MYO3B: variants seen among roughly 807,000 people sequenced by gnomAD.
MYO3B encodes myosin IIIB.
In MYO3B, 156 loss-of-function variants were observed where a neutral mutation model predicts 174.6. That is an observed-to-expected ratio of 0.89 (90% CI 0.78 to 1.02). The LOEUF is 1.02. Ranked by LOEUF, MYO3B falls within the 50% of genes least tolerant of loss-of-function variation. The probability of loss-of-function intolerance (pLI) is 0.00; values close to 1 mark genes in which losing one functional copy is unlikely to be tolerated. For synonymous variants in MYO3B, 563 were observed against 569.1 expected (o/e 0.99, Z 0.15); for missense variants, 1,632 against 1,639.4 (o/e 1.00, Z 0.08).
At chr2:170,583,244 T>C (rs1316877774) in intron 32 of MYO3B, among the ~76,000 whole-genome samples, 2 of 152,088 alleles carry the variant, frequency 1.3e-5, no homozygotes, top group South Asian at 2.1e-4. Flanking sequence ...CTACCTAGGG[T>C]TGATCACAGA....
intron 22 of MYO3B, among the ~76,000 whole-genome samples, chr2:170,413,762 G>A (rs1347035369): frequency 1.3e-5 from 2 of 151,262 alleles, no homozygotes; most frequent in South Asian, 2.1e-4. Context: ...TCCTTAGGCC[G>A]GGTGCGGTGG....
chr2:170,315,430 T>A (rs906673413), intron 7 of MYO3B, among the ~76,000 whole-genome samples: 2 of 152,030 alleles, frequency 1.3e-5, no homozygotes, highest in Admixed American at 6.6e-5. Flanking sequence ...CTCAGCCTCC[T>A]GAGTAGCTGG....
rs895713088 is a variant in MYO3B, at chr2:170,569,757, G to C, written c.3733+25769G>C. On this transcript the variant is annotated intron_variant, in intron 32 of 34. Transcript: ENST00000408978. ...CATGCCTGTAATCCCAGCTACTCAG[G>C]AGGCTGAGACAGGAGAATCACTTGA... is the stretch of plus-strand genomic sequence containing the variant. 3.3e-5 allele frequency among the ~76,000 whole-genome samples: 5 copies of C among 151,542 alleles called. No individual in the cohort carries two copies. The East Asian group carries it at 7.8e-4, about 24-fold the overall frequency.
At chr2:170,219,241 G>A (rs1229621088) in intron 6 of MYO3B, among the ~76,000 whole-genome samples, 4 of 152,210 alleles carry the variant, frequency 2.6e-5, no homozygotes, top group Non-Finnish European at 5.9e-5. Context: ...TATCACCACT[G>A]CATTGTAGTT....
At chr2:170,488,962 C>G (rs1686254276) in intron 25 of MYO3B, among the ~76,000 whole-genome samples, 1 of 152,326 alleles carries the variant, frequency 6.6e-6, no homozygotes, top group East Asian at 1.9e-4. Flanking sequence ...GAAATCAACA[C>G]TTTAAGTCAA....
chr2:170,390,843 A>C (rs2094407067), intron 14 of MYO3B, among the ~76,000 whole-genome samples: 1 of 152,108 alleles, frequency 6.6e-6, no homozygotes, highest in Non-Finnish European at 1.5e-5. Context: ...AAAAATTATC[A>C]TGCTCTTGGA....
chr2:170,463,844 CA>C (rs1246092672), intron 24 of MYO3B, among the ~76,000 whole-genome samples: 1 of 152,164 alleles, frequency 6.6e-6, no homozygotes, highest in African/African-American at 2.4e-5. Context: ...TATTATTTCC[CA>C]TTTCTGCCAT....
intron 9 of MYO3B, among the ~76,000 whole-genome samples, chr2:170,372,772 G>T (rs1441657466): frequency 1.3e-5 from 2 of 152,204 alleles, no homozygotes; most frequent in African/African-American, 4.8e-5. Flanking sequence ...CCCTGGAGCT[G>T]CTGGGTAGAT....
chr2:170,540,604 G>C (rs1252019349), intron 30 of MYO3B, among the ~76,000 whole-genome samples: 3 of 151,068 alleles, frequency 2.0e-5, no homozygotes, highest in African/African-American at 7.3e-5. Flanking sequence ...TCTTATTTTG[G>C]TAGTGACGGA....
intron 25 of MYO3B, among the ~76,000 whole-genome samples, chr2:170,479,642 C>CAT (rs968628836): frequency 1.4e-4 from 20 of 144,712 alleles, no homozygotes; most frequent in Admixed American, 2.1e-4. Flanking sequence ...TTTATATATA[C>CAT]ATATATATAA....
chr2:170,404,448 G>T (rs1190258841), intron 20 of MYO3B, 48 bp downstream of exon 20: 5 of 1,535,426 alleles, frequency 3.3e-6, no homozygotes, highest in Admixed American at 2.1e-5. Context: ...ACAAAACTTG[G>T]CTTGTGTCAT....
chr2:170,440,155 C>A (rs1334367566), intron 22 of MYO3B, among the ~76,000 whole-genome samples: 1 of 152,148 alleles, frequency 6.6e-6, no homozygotes, highest in Non-Finnish European at 1.5e-5. Flanking sequence ...TATCAAAGAT[C>A]ATTTGATCAT....
At chr2:170,644,940 T>G (rs774587825) in intron 32 of MYO3B, among the ~76,000 whole-genome samples, 4 of 152,082 alleles carry the variant, frequency 2.6e-5, no homozygotes, top group Non-Finnish European at 5.9e-5. Context: ...AATCAGAAGG[T>G]GCAGGGCAGG....
At chr2:170,568,951 C>T (rs1692245591) in intron 32 of MYO3B, among the ~76,000 whole-genome samples, 1 of 152,080 alleles carries the variant, frequency 6.6e-6, no homozygotes, top group Admixed American at 6.5e-5. Flanking sequence ...ACATGTGTGT[C>T]CTATTAGATA....
intron 22 of MYO3B, among the ~76,000 whole-genome samples, chr2:170,426,337 G>A (rs946157978): frequency 2.0e-5 from 3 of 147,948 alleles, no homozygotes; most frequent in Admixed American, 6.7e-5. Context: ...AGACCTCATC[G>A]CTTTTTTTTT....
chr2:170,233,074 C>T (rs778261336), intron 6 of MYO3B, among the ~76,000 whole-genome samples: 1 of 152,198 alleles, frequency 6.6e-6, no homozygotes, highest in African/African-American at 2.4e-5. Context: ...CCTTTTGTGT[C>T]CCATCCAAGT....
chr2:170,325,702 T>G (rs1445978771), intron 7 of MYO3B, among the ~76,000 whole-genome samples: 3 of 152,158 alleles, frequency 2.0e-5, no homozygotes, highest in African/African-American at 7.2e-5. Context: ...GCCTGCCTGC[T>G]TGATTGCTCT....
intron 7 of MYO3B, among the ~76,000 whole-genome samples, chr2:170,294,363 A>ATGTT: frequency 6.6e-6 from 1 of 151,036 alleles, no homozygotes; most frequent in Non-Finnish European, 1.5e-5. Flanking sequence ...TAATTTGGAT[A>ATGTT]TATTTATTTT....
chr2:170,653,002 G>A lies in MYO3B; in HGVS notation c.3907G>A (p.Gly1303Arg), dbSNP rs1043641958. ...TTGCAGCCAAATCAAAGTACTTGAT[G>A]GGGAAGATGAATATTACAAATCTCT... ...RKLGQIKVLD[G>R]EDEYYKSLSP... Residue 1303 changes from glycine to arginine, a missense_variant, in exon 35 of 35, where the codon GGG becomes AGG. By Grantham distance (125) the Gly-to-Arg change is moderately radical (BLOSUM62 -2). Coordinates refer to ENST00000408978, the MANE Select transcript of MYO3B (RefSeq NM_138995.5). 1.2e-6 allele frequency: 2 copies of A among 1,613,938 alleles called. No homozygotes were observed. Among genetic ancestry groups the A allele is most frequent in the South Asian group, 1.1e-5 (1 of 91,060 alleles).
Sources: allele counts gnomAD v4.1 joint callset (sites outside exome capture counted in the v4.1 genomes callset), GRCh38; gene constraint gnomAD v4.1.1; transcripts MANE v1.5; gene names NCBI Gene and HGNC (gene_info 2026-07-23, HGNC 2026-07-21).